Variants in PPP2R1A observed in about 807,000 individuals in gnomAD.
The protein encoded by PPP2R1A is protein phosphatase 2 scaffold subunit Aalpha.
A neutral mutation model predicts 67.1 loss-of-function variants in PPP2R1A; 15 were observed. That is an observed-to-expected ratio of 0.22 (90% CI 0.15 to 0.34). The LOEUF (loss-of-function observed/expected upper bound fraction) is 0.34. PPP2R1A is among the 10% of genes least tolerant of loss of function. The pLI, the probability that PPP2R1A is intolerant of heterozygous loss-of-function variation, is 1.00. For synonymous variants in PPP2R1A, 337 were observed against 325.0 expected (o/e 1.04, Z -0.40); for missense variants, 369 against 775.0 (o/e 0.48, Z 6.22).
At position 52,225,829 on chromosome 19, in the gene PPP2R1A, A is replaced by G. The variant is rs41275802; in HGVS notation, c.1753+21A>G. On this transcript the variant is annotated intron_variant, in intron 14 of 14. Coordinates refer to ENST00000322088, the MANE Select transcript of PPP2R1A (RefSeq NM_014225.6). ...GACTGGTAAGACCTAGAAAGCACGG[A>G]GCCCTAGCAGGAGGGTGGACTTTGA... 1.6e-5 allele frequency: 25 copies of G among 1,612,694 alleles called. No homozygotes were observed. The African/African-American group carries it at 2.9e-4, about 19-fold the overall frequency.
chr19:52,207,807 A>G (rs1190130136), intron 3 of PPP2R1A, among the ~76,000 whole-genome samples: 1 of 152,110 alleles, frequency 6.6e-6, no homozygotes, highest in Admixed American at 6.5e-5. Context: ...CCAGGCCCCT[A>G]ATTCTTAGCC....
intron 1 of PPP2R1A, among the ~76,000 whole-genome samples, chr19:52,196,650 AAT>A (rs1356627507): frequency 2.6e-4 from 39 of 152,326 alleles, no homozygotes; most frequent in Middle Eastern, 6.8e-3. Flanking sequence ...AAAAACTCTA[AAT>A]AACAGGGGCT....
chr19:52,203,234 CTG>C (rs2089569252), intron 2 of PPP2R1A, among the ~76,000 whole-genome samples: 1 of 152,142 alleles, frequency 6.6e-6, no homozygotes, highest in Admixed American at 6.5e-5. Flanking sequence ...CAGCTAGTGA[CTG>C]AGGGGTGCAG....
intron 1 of PPP2R1A, chr19:52,200,412 C>A (rs1322970290): frequency 6.6e-6 from 1 of 152,202 alleles, no homozygotes; most frequent in Non-Finnish European, 1.5e-5. Flanking sequence ...GGTGTCTTTA[C>A]CTCTCTGATC....
At chr19:52,205,318 A>C (rs1179275578) in intron 2 of PPP2R1A, among the ~76,000 whole-genome samples, 1 of 152,108 alleles carries the variant, frequency 6.6e-6, no homozygotes, top group African/African-American at 2.4e-5. Context: ...TCACATATTC[A>C]TTCTTTCAGC....
intron 2 of PPP2R1A, among the ~76,000 whole-genome samples, chr19:52,203,568 C>A (rs577713796): frequency 3.9e-5 from 6 of 152,216 alleles, no homozygotes; most frequent in Admixed American, 3.9e-4. Context: ...AGGGAAAACT[C>A]TGTGACTTTC....
chr19:52,195,487 A>G (rs912031569), intron 1 of PPP2R1A, among the ~76,000 whole-genome samples: 9 of 152,192 alleles, frequency 5.9e-5, no homozygotes, highest in African/African-American at 2.2e-4. Flanking sequence ...CAGTTCAGAC[A>G]CGACCTGGAG....
At chr19:52,200,764 A>T (rs2089539059) in intron 1 of PPP2R1A, among the ~76,000 whole-genome samples, 1 of 152,116 alleles carries the variant, frequency 6.6e-6, no homozygotes. Context: ...GGGCTTGTGG[A>T]TGCATCTCCT....
intron 1 of PPP2R1A, 166 bp from the exon 2 acceptor site, chr19:52,201,778 C>T: frequency 1.7e-6 from 1 of 595,624 alleles, no homozygotes; most frequent in Non-Finnish European, 3.0e-6. Context: ...TAATGATTCC[C>T]TCGAGGTCAC....
At chr19:52,205,297 G>A (rs188835946) in intron 2 of PPP2R1A, among the ~76,000 whole-genome samples, 357 of 152,274 alleles carry the variant, frequency 2.3e-3, no homozygotes, top group African/African-American at 8.1e-3. Context: ...GGGACAGAAC[G>A]GATTTTCCCT....
rs899452425 is a variant in PPP2R1A, at chr19:52,211,788, G to A, written c.503+296G>A. The A allele has an allele frequency of 2.6e-5, 11 of 416,078 alleles. No homozygotes were observed. In the Admixed American group the frequency reaches 4.2e-4, roughly 16 times the overall value. 25.8% of individuals were successfully genotyped at this position (416,078 alleles called of 1,614,324 possible). On this transcript the variant is annotated intron_variant, in intron 4 of 14. Transcript: ENST00000322088. The surrounding 1 kb of genome is among the most constrained non-coding windows in gnomAD (Gnocchi z 5.3). ...AATTATCACACATAAAGTGCTTAGA[G>A]CAAAATCTGGAACATAAAAACTTTC...
intron 13 of PPP2R1A, among the ~76,000 whole-genome samples, chr19:52,224,138 C>A (rs1222067575): frequency 6.6e-6 from 1 of 152,134 alleles, no homozygotes; most frequent in East Asian, 1.9e-4. Flanking sequence ...CAGAAACAGG[C>A]AGAATGAAGG....
intron 13 of PPP2R1A, among the ~76,000 whole-genome samples, chr19:52,223,169 A>G (rs554670965): frequency 6.6e-6 from 1 of 152,344 alleles, no homozygotes; most frequent in South Asian, 2.1e-4. Flanking sequence ...CAGTGGAGAA[A>G]TGTATGTTTT....
intron 1 of PPP2R1A, among the ~76,000 whole-genome samples, chr19:52,192,318 T>C (rs1472346170): frequency 2.6e-5 from 4 of 152,086 alleles, no homozygotes; most frequent in South Asian, 2.1e-4. Flanking sequence ...TTTTCTTCTT[T>C]TTTTGAGACG....
intron 10 of PPP2R1A, 62 bp from the exon 11 acceptor site, chr19:52,220,127 A>G (rs1978825521): frequency 6.4e-7 from 1 of 1,554,086 alleles, no homozygotes; most frequent in Non-Finnish European, 8.9e-7. Flanking sequence ...GGATGTGGCT[A>G]GCAGCTCCCC....
rs1047418898 is a variant in PPP2R1A at position 52,220,841 on chromosome 19, CT to C, written c.1364-132del. The C allele has an allele frequency of 3.4e-5, 34 of 1,010,272 alleles. No homozygotes were observed. The African/African-American group carries it at 3.8e-4, about 11-fold the overall frequency. 62.6% of individuals were successfully genotyped at this position (1,010,272 alleles called of 1,614,324 possible). On this transcript the variant is annotated intron_variant, in intron 11 of 14. Coordinates refer to ENST00000322088, the MANE Select transcript of PPP2R1A (RefSeq NM_014225.6). ...TACTAGATATAGCACATAGTAAGTC[CT>C]TTTTTCTCTCTTTGGCTCACATGCA...
rs2122312136 is a variant in PPP2R1A, at chr19:52,205,972, A to G, written c.179A>G (p.Tyr60Cys). ...TGTCTTGGTTCCACAGATACCATCT[A>G]TGATGAAGATGAGGTCCTCCTGGCC... Reference protein sequence around the residue: ...ELLPFLTDTIYDEDEVLLALA... With the variant: ...ELLPFLTDTICDEDEVLLALA... The change falls in exon 3 of 15, where the codon TAT becomes TGT. Residue 60 changes from tyrosine (Y) to cysteine (C), a missense_variant. By Grantham distance (194) the Tyr-to-Cys change is radical. Transcript: ENST00000322088. 2 of 1,613,454 alleles carry G rather than the reference A, an allele frequency of 1.2e-6. No individual in the cohort carries two copies. The highest frequency in any genetic ancestry group is 1.7e-6 in the Non-Finnish European group (2 of 1,179,362).
In PPP2R1A at chr19:52,212,689, C is replaced by G; in HGVS notation, c.507C>G (p.Tyr169Ter). The G allele has an allele frequency of 6.2e-7, 1 of 1,613,360 alleles. No homozygotes were observed. The highest frequency in any genetic ancestry group is 8.5e-7 in the Non-Finnish European group (1 of 1,180,036). Residue 169 changes from tyrosine (Y) to a stop codon, truncating the protein, a stop_gained, in exon 5 of 15, where the codon TAC becomes TAG. Coordinates refer to ENST00000322088, the MANE Select transcript of PPP2R1A (RefSeq NM_014225.6). LOFTEE classifies it high-confidence loss of function. This position sits in a 1 kb window ranked among gnomAD's most constrained non-coding sequence, Gnocchi z 4.1. ...GATCCCCGTCCCCGACTCCCAGGTA[C>G]TTCCGGAACCTGTGCTCAGATGACA... ...SSAVKAELRQ[Y>*]FRNLCSDDTP...
At chr19:52,204,098 A>G (rs1374645845) in intron 2 of PPP2R1A, among the ~76,000 whole-genome samples, 1 of 152,174 alleles carries the variant, frequency 6.6e-6, no homozygotes, top group Non-Finnish European at 1.5e-5. Context: ...GGCACCAGCC[A>G]TGTGGAACTC....
Sources: allele counts gnomAD v4.1 joint callset (sites outside exome capture counted in the v4.1 genomes callset), GRCh38; gene constraint gnomAD v4.1.1; non-coding constraint Gnocchi (gnomAD v3.1); transcripts MANE v1.5; gene names NCBI Gene and HGNC (gene_info 2026-07-23, HGNC 2026-07-21).